Variants in SREBF1 observed in about 807,000 individuals in gnomAD.
SREBF1 encodes sterol regulatory element binding transcription factor 1, also known as sterol regulatory element-binding protein 1.
In SREBF1, 45 loss-of-function variants were observed where a neutral mutation model predicts 100.1. The observed-to-expected ratio is 0.45, with a 90% CI of 0.35 to 0.58. SREBF1 has a LOEUF of 0.58. Ranked by LOEUF, SREBF1 falls within the 20% of genes least tolerant of loss-of-function variation. The probability of loss-of-function intolerance (pLI) is 0.00; values close to 1 mark genes in which losing one functional copy is unlikely to be tolerated. For missense variants in SREBF1, 1,324 were observed against 1,539.4 expected (o/e 0.86, Z 2.34); for synonymous variants, 657 against 681.8 (o/e 0.96, Z 0.57).
chr17:17,828,136 C>T (rs534518261), intron 1 of SREBF1, among the ~76,000 whole-genome samples: 5 of 152,364 alleles, frequency 3.3e-5, no homozygotes, highest in African/African-American at 7.2e-5. Flanking sequence ...CCTCCACCCT[C>T]GTCTGCCTCC....
chr17:17,818,175 G>A, intron 6 of SREBF1, 85 bp downstream of exon 6: 5 of 1,165,068 alleles, frequency 4.3e-6, no homozygotes, highest in South Asian at 1.3e-5. Context: ...CAAGGGTGGG[G>A]TGGGGCTAGG....
intron 1 of SREBF1, among the ~76,000 whole-genome samples, chr17:17,825,854 G>T (rs1029872286): frequency 1.3e-5 from 2 of 152,134 alleles, no homozygotes; most frequent in East Asian, 1.9e-4. Flanking sequence ...GACCTCAGGT[G>T]ATCCTCCCAC....
chr17:17,829,639 A>G (rs1480242122), intron 1 of SREBF1, among the ~76,000 whole-genome samples: 2 of 152,088 alleles, frequency 1.3e-5, no homozygotes, highest in Non-Finnish European at 2.9e-5. Context: ...CTTCCTCAGC[A>G]GGTTCTTTTT....
rs775625400 is a variant in SREBF1 at position 17,817,643 on chromosome 17, G to T, written c.1404+53C>A. ...AGGGTCTTCCCGGCCCTGTCATGAG[G>T]CTCAGAGGATATGGCTGGGAGTGGG... On this transcript the variant is annotated intron_variant, in intron 7 of 18. Transcript: ENST00000261646. This position sits in a 1 kb window ranked among gnomAD's most constrained non-coding sequence, Gnocchi z 6.6. The T allele has an allele frequency of 3.1e-6, 5 of 1,605,004 alleles. No individual in the cohort carries two copies.
chr17:17,815,194 C>T lies in SREBF1; in HGVS notation c.2492+27G>A, dbSNP rs371643340. The T allele has an allele frequency of 5.0e-6, 8 of 1,600,770 alleles. No homozygotes were observed. The South Asian group carries it at 8.8e-5, about 18-fold the overall frequency. ...TCAGAATCCCGCCGGAGGGGCCTTG[C>T]CTGGAGGAGGGCACAACGACACTTA... is the stretch of plus-strand genomic sequence containing the variant. On this transcript the variant is annotated intron_variant, in intron 13 of 18. Transcript: ENST00000261646.
At chr17:17,816,766 GC>G in intron 9 of SREBF1, 48 bp from the exon 10 acceptor site, 1 of 1,566,818 alleles carries the variant, frequency 6.4e-7, no homozygotes, top group Non-Finnish European at 8.6e-7. Context: ...CAGAGCAGCT[GC>G]CCCAAAGCTC....
At position 17,812,498 on chromosome 17, in the gene SREBF1, G is replaced by A; in HGVS notation, c.*124C>T. 2 of 1,011,060 alleles carry A rather than the reference G, an allele frequency of 2.0e-6. No homozygotes were observed. The highest frequency in any genetic ancestry group is 5.4e-5 in the East Asian group (2 of 36,844). The allele number at this position is 1,011,060 out of a possible 1,614,324, so 62.6% of individuals were successfully genotyped here. A position where few individuals can be genotyped will look rare whatever the true frequency, so the allele number is the denominator to read the frequency against. Reference sequence around the variant, plus strand: ...ACCGCGAAGGCACACAGCAGCCGCAGGTCGAACTGTGGAGGCCAGAGTCTC... The same window carrying A: ...ACCGCGAAGGCACACAGCAGCCGCAAGTCGAACTGTGGAGGCCAGAGTCTC... On this transcript the variant is annotated 3_prime_UTR_variant, in exon 19 of 19. Coordinates refer to ENST00000261646, the MANE Select transcript of SREBF1 (RefSeq NM_004176.5).
In SREBF1 at chr17:17,836,923, C is replaced by T. The variant is rs1598147178; in HGVS notation, c.-106G>A. 4 of 1,092,422 alleles carry T rather than the reference C, an allele frequency of 3.7e-6. No homozygotes were observed. The highest frequency in any genetic ancestry group is 6.2e-5 in the East Asian group (2 of 32,066). 67.7% of individuals were successfully genotyped at this position (1,092,422 alleles called of 1,614,324 possible). A position where few individuals can be genotyped will look rare whatever the true frequency, so the allele number is the denominator to read the frequency against. On this transcript the variant is annotated 5_prime_UTR_variant, in exon 1 of 19. Transcript: ENST00000261646. ...GCTCTCAGTCGCCGCCGCCGCTCCGCGCGTTCGTGTCCTGCCCTGGCCTCA... is the reference window on the plus strand; with the variant it reads ...GCTCTCAGTCGCCGCCGCCGCTCCGTGCGTTCGTGTCCTGCCCTGGCCTCA...
At chr17:17,828,507 G>A (rs1041819581) in intron 1 of SREBF1, among the ~76,000 whole-genome samples, 10 of 152,222 alleles carry the variant, frequency 6.6e-5, no homozygotes, top group East Asian at 1.9e-4. Context: ...CACCTTGTCC[G>A]AGAGGTGGCC....
chr17:17,816,216 A>G lies in SREBF1; in HGVS notation c.2205T>C (p.His735=), dbSNP rs1462893043. ...RVKTSLPRAL[H]FLTRFFLSSA... is the part of the protein sequence containing the mutation. ...CCCCCAACCCACTCACTGTCAGAAA[A>G]TGCAAGGCCCGTGGGAGACTGGTCT... The change falls in exon 11 of 19, where the codon CAT becomes CAC. Residue 735 remains histidine (H), a synonymous_variant. Coordinates refer to ENST00000261646, the MANE Select transcript of SREBF1 (RefSeq NM_004176.5). 1.3e-5 allele frequency: 8 copies of G among 620,956 alleles called. No homozygotes were observed. Among genetic ancestry groups the G allele is most frequent in the Non-Finnish European group, 1.4e-5 (7 of 499,166 alleles). The allele number at this position is 620,956 out of a possible 1,614,324, so 38.5% of individuals were successfully genotyped here. A position where few individuals can be genotyped will look rare whatever the true frequency, so the allele number is the denominator to read the frequency against.
intron 1 of SREBF1, among the ~76,000 whole-genome samples, chr17:17,825,946 A>G (rs2034468143): frequency 6.6e-6 from 1 of 152,150 alleles, no homozygotes; most frequent in South Asian, 2.1e-4. Flanking sequence ...GTTAAGACTG[A>G]AAAAGGAAAC....
intron 1 of SREBF1, among the ~76,000 whole-genome samples, chr17:17,833,360 G>T (rs1407427265): frequency 1.4e-5 from 2 of 139,362 alleles, no homozygotes; most frequent in Admixed American, 1.5e-4. Flanking sequence ...GGCGGAGCTT[G>T]CAGTGAGCCA....
rs74520623 is a variant in SREBF1 at position 17,819,189 on chromosome 17, C to T, written c.892G>A (p.Val298Ile). ...TTGATAGGCAGCTTCTCCGCATCTACGACCAGTGGGACTGTTGCCAAGATG... is the reference window on the plus strand; with the variant it reads ...TTGATAGGCAGCTTCTCCGCATCTATGACCAGTGGGACTGTTGCCAAGATG... Reference protein sequence around the residue: ...GTILATVPLVVDAEKLPINRL... With the variant: ...GTILATVPLVIDAEKLPINRL... The change falls in exon 5 of 19, where the codon GTA (valine) becomes ATA (isoleucine). Residue 298 changes from valine (V) to isoleucine (I), a missense_variant. Transcript: ENST00000261646. The T allele has an allele frequency of 1.0e-3, 1,678 of 1,614,192 alleles. 14 individuals carry two copies. In the African/African-American group the frequency reaches 0.02, roughly 19 times the overall value.
At chr17:17,832,722 C>T (rs988586299) in intron 1 of SREBF1, among the ~76,000 whole-genome samples, 1 of 152,060 alleles carries the variant, frequency 6.6e-6, no homozygotes, top group African/African-American at 2.4e-5. Flanking sequence ...AGATCGAGAC[C>T]ATCCTGGCTA....
chr17:17,818,459 G>T, intron 5 of SREBF1, 85 bp from the exon 6 acceptor site: 1 of 950,502 alleles, frequency 1.1e-6, no homozygotes, highest in Non-Finnish European at 1.7e-6. Flanking sequence ...GCAAGGGGGT[G>T]CGGAGCTGCT....
chr17:17,836,432 C>T (rs2035240309), intron 1 of SREBF1, among the ~76,000 whole-genome samples: 1 of 152,230 alleles, frequency 6.6e-6, no homozygotes, highest in African/African-American at 2.4e-5. Context: ...AGTCACCGGT[C>T]GGGCGGCACC....
intron 1 of SREBF1, chr17:17,823,400 T>C (rs1330335856): frequency 2.4e-6 from 2 of 836,208 alleles, no homozygotes; most frequent in Non-Finnish European, 4.1e-6. Context: ...ACCTTCTCCC[T>C]CGGGAAGGGG....
rs1009309190 is a variant in SREBF1, at chr17:17,812,818, C to T, written c.3248G>A (p.Arg1083Gln). Residue 1083 changes from arginine (R) to glutamine (Q), a missense_variant, in exon 19 of 19, where the codon CGG (arginine) becomes CAG (glutamine). Physicochemically the swap from Arg to Gln is conservative, Grantham distance 43. Transcript: ENST00000261646. ...CAGCAAGGCCTCCGCGTGCTCCCGC[C>T]GCGTGGGCCGCGGCTCCAGCTCCGC... ...AVAELEPRPT[R>Q]REHAEALLLA... 2.7e-6 allele frequency: 4 copies of T among 1,481,098 alleles called. No individual in the cohort carries two copies. Among genetic ancestry groups the T allele is most frequent in the Non-Finnish European group, 3.6e-6 (4 of 1,121,962 alleles). The allele number at this position is 1,481,098 out of a possible 1,614,324, so 91.7% of individuals were successfully genotyped here.
chr17:17,833,455 A>G (rs1375472743), intron 1 of SREBF1, among the ~76,000 whole-genome samples: 1 of 114,112 alleles, frequency 8.8e-6, no homozygotes, highest in Non-Finnish European at 1.7e-5. Flanking sequence ...AAAAAAATAT[A>G]TATATATATA....
Sources: allele counts gnomAD v4.1 joint callset (sites outside exome capture counted in the v4.1 genomes callset), GRCh38; gene constraint gnomAD v4.1.1; non-coding constraint Gnocchi (gnomAD v3.1); transcripts MANE v1.5; gene names NCBI Gene and HGNC (gene_info 2026-07-23, HGNC 2026-07-21).